The following HERC4 variants were observed in gnomAD, a reference collection of about 807,000 sequenced individuals.
HERC4 encodes probable E3 ubiquitin-protein ligase HERC4.
A neutral mutation model predicts 124.3 loss-of-function variants in HERC4; 28 were observed. The ratio of observed to expected loss-of-function variants is 0.23; its 90% confidence interval spans 0.17 to 0.31. The LOEUF (loss-of-function observed/expected upper bound fraction) is 0.31. Among genes scored for constraint, HERC4 ranks in the 10% least tolerant of loss-of-function variants. HERC4 has a pLI of 1.00. For missense variants in HERC4, 713 were observed against 1,229.3 expected, an observed-to-expected ratio of 0.58 and a Z score of 6.28; for synonymous variants, 407 against 421.5, an observed-to-expected ratio of 0.97 and a Z score of 0.42.
chr10:68,001,306 A>G (rs1203274304), intron 9 of HERC4, among the ~76,000 whole-genome samples: 1 of 151,772 alleles, frequency 6.6e-6, no homozygotes, highest in Non-Finnish European at 1.5e-5. Context: ...TGGGAGGCTG[A>G]GGTTGCAGTG....
At chr10:67,975,822 T>C (rs1006458189) in intron 15 of HERC4, among the ~76,000 whole-genome samples, 2 of 152,224 alleles carry the variant, frequency 1.3e-5, no homozygotes, top group Non-Finnish European at 2.9e-5. Flanking sequence ...CAGTTCTTTT[T>C]TTCTCCCACT....
chr10:68,069,799 CT>C, intron 3 of HERC4: 1 of 946,386 alleles, frequency 1.1e-6, no homozygotes, highest in Non-Finnish European at 1.3e-6. Flanking sequence ...TCCCAGCACT[CT>C]GGGAGGCCAA....
Position 67,975,058 on chromosome 10 carries a change from G to A in HERC4, c.1807-8256C>T, listed in dbSNP as rs544293878. On this transcript the variant is annotated intron_variant, in intron 15 of 24. Coordinates refer to ENST00000373700, the MANE Select transcript of HERC4 (RefSeq NM_015601.4). The stretch of plus-strand genomic sequence containing the variant: ...ACAACAATTAGCCAGGCATGGTGGC[G>A]CACGCCTGTAGTCCCAGCTACTTGG... Among the ~76,000 whole-genome samples, 14 of 152,010 alleles carry A rather than the reference G, an allele frequency of 9.2e-5. No individual in the cohort carries two copies. In the South Asian group the frequency reaches 1.0e-3, roughly 11 times the overall value.
At chr10:67,967,242 A>C (rs1218676204) in intron 15 of HERC4, among the ~76,000 whole-genome samples, 3 of 152,204 alleles carry the variant, frequency 2.0e-5, no homozygotes, top group Admixed American at 2.0e-4. Flanking sequence ...ATAATTACTG[A>C]GTGCCTACTA....
intron 21 of HERC4, among the ~76,000 whole-genome samples, chr10:67,938,436 T>C (rs2032569547): frequency 7.4e-6 from 1 of 135,542 alleles, no homozygotes; most frequent in Non-Finnish European, 1.5e-5. Flanking sequence ...AGATTCTGTC[T>C]CAAAAAAAAA....
At chr10:67,945,815 AAAACAT>A (rs2033276605) in intron 19 of HERC4, among the ~76,000 whole-genome samples, 1 of 152,076 alleles carries the variant, frequency 6.6e-6, no homozygotes, top group South Asian at 2.1e-4. Context: ...CTCAAATCAA[AAAACAT>A]ACGACAGATA....
At chr10:67,968,867 A>C (rs1448646141) in intron 15 of HERC4, among the ~76,000 whole-genome samples, 1 of 152,174 alleles carries the variant, frequency 6.6e-6, no homozygotes, top group Non-Finnish European at 1.5e-5. Flanking sequence ...GCTCTCATTA[A>C]CTGATAGAAA....
intron 15 of HERC4, among the ~76,000 whole-genome samples, chr10:67,968,137 G>T (rs1332818093): frequency 6.6e-6 from 1 of 152,100 alleles, no homozygotes; most frequent in Non-Finnish European, 1.5e-5. Context: ...GCAGAAAGCA[G>T]CAGTCTTAAT....
chr10:67,923,082 A>C lies in HERC4; in HGVS notation c.2999T>G (p.Val1000Gly). ...CTCACCACCTCCTGTGGACTGGATG[A>C]CTAGTTTCAGACTCTTCATACCAAG... ...PILGMKSLKL[V>G]IQSTGGGEEY... The change falls in exon 25 of 25, where the codon GTC (valine) becomes GGC (glycine). Residue 1000 changes from valine (V) to glycine (G), a missense_variant. Transcript: ENST00000373700. 1 of 1,613,922 alleles carries C rather than the reference A, an allele frequency of 6.2e-7. No homozygotes were observed. The highest frequency in any genetic ancestry group is 8.5e-7 in the Non-Finnish European group (1 of 1,179,930).
chr10:68,020,244 T>G (rs988239104), intron 8 of HERC4, among the ~76,000 whole-genome samples: 2 of 151,870 alleles, frequency 1.3e-5, no homozygotes, highest in African/African-American at 4.8e-5. Flanking sequence ...AAATGTCCAG[T>G]TTTCAAAAAA....
chr10:67,951,425 C>T (rs2033783188), intron 19 of HERC4, among the ~76,000 whole-genome samples: 1 of 152,190 alleles, frequency 6.6e-6, no homozygotes, highest in African/African-American at 2.4e-5. Flanking sequence ...ATCCCTAAAC[C>T]CACATCCATA....
intron 3 of HERC4, chr10:68,069,554 A>G (rs2041465344): frequency 1.0e-6 from 1 of 985,312 alleles, no homozygotes; most frequent in South Asian, 4.7e-5. Context: ...GGTTAAATCT[A>G]TTCACTACAT....
intron 9 of HERC4, among the ~76,000 whole-genome samples, chr10:68,011,475 A>C (rs2037951249): frequency 6.6e-6 from 1 of 152,250 alleles, no homozygotes; most frequent in Non-Finnish European, 1.5e-5. Context: ...ACAGCAGCAG[A>C]ATGGATGTTG....
chr10:68,020,731 T>C (rs2038570918), intron 8 of HERC4, among the ~76,000 whole-genome samples: 1 of 146,852 alleles, frequency 6.8e-6, no homozygotes, highest in African/African-American at 2.5e-5. Context: ...ATCGCGCCAC[T>C]GCACTCCAGC....
chr10:67,930,690 AAGAT>A (rs1589117284), intron 23 of HERC4, among the ~76,000 whole-genome samples: 1 of 152,192 alleles, frequency 6.6e-6, no homozygotes, highest in Non-Finnish European at 1.5e-5. Flanking sequence ...GTATATTAGA[AAGAT>A]AGAAAATCAG....
chr10:67,944,770 G>C (rs1163308934), intron 19 of HERC4, among the ~76,000 whole-genome samples: 1 of 152,176 alleles, frequency 6.6e-6, no homozygotes, highest in African/African-American at 2.4e-5. Context: ...ATAAAAAGAA[G>C]CAGAAATTCT....
chr10:67,939,470 G>A (rs2132116774), intron 21 of HERC4, 118 bp downstream of exon 21: 1 of 640,944 alleles, frequency 1.6e-6, no homozygotes, highest in African/African-American at 1.8e-5. Flanking sequence ...CTCAATAAAT[G>A]TTAGCTAAAG....
chr10:68,073,807 T>C (rs1374338511), intron 1 of HERC4, 121 bp from the exon 2 acceptor site: 1 of 152,152 alleles, frequency 6.6e-6, no homozygotes, highest in African/African-American at 2.4e-5. Context: ...ACCATAATCT[T>C]AAATCACCTC....
chr10:68,072,175 G>A (rs868523050), intron 3 of HERC4, among the ~76,000 whole-genome samples: 3 of 152,206 alleles, frequency 2.0e-5, no homozygotes, highest in African/African-American at 7.2e-5. Flanking sequence ...ACATAACAAT[G>A]ATACTCCTAA....
Sources: gnomAD v4.1 joint callset for allele counts (sites outside exome capture counted in the v4.1 genomes callset) on GRCh38, gnomAD v4.1.1 for gene constraint, MANE v1.5 for transcripts, NCBI Gene and HGNC (gene_info 2026-07-23, HGNC 2026-07-21) for gene names.